The following GALK2 variants were observed in gnomAD, a reference collection of about 807,000 sequenced individuals.
GALK2 encodes N-acetylgalactosamine kinase.
A neutral mutation model predicts 52.4 loss-of-function variants in GALK2; 36 were observed. The observed-to-expected ratio is 0.69, with a 90% CI of 0.53 to 0.91. The LOEUF is 0.91. GALK2 is among the 40% of genes least tolerant of loss of function. The pLI is 0.00. For synonymous variants in GALK2, 176 were observed against 199.1 expected, an observed-to-expected ratio of 0.88 and a Z score of 0.98; for missense variants, 579 against 559.1, an observed-to-expected ratio of 1.04 and a Z score of -0.36.
intron 1 of GALK2, among the ~76,000 whole-genome samples, chr15:49,189,806 T>C (rs1394627516): frequency 6.6e-6 from 1 of 152,188 alleles, no homozygotes; most frequent in Non-Finnish European, 1.5e-5. Context: ...TGAGATTTTA[T>C]TATGCTACTC....
At chr15:49,302,020 G>C (rs1020351524) in intron 8 of GALK2, among the ~76,000 whole-genome samples, 1 of 152,184 alleles carries the variant, frequency 6.6e-6, no homozygotes. Flanking sequence ...CAACCCTGGG[G>C]CACAGGGTTA....
In GALK2 at chr15:49,234,245, G is replaced by T. The variant is rs1038639660; in HGVS notation, c.267-1606G>T. Among the ~76,000 whole-genome samples the T allele has an allele frequency of 1.4e-4, 21 of 151,514 alleles. 1 individual carries two copies. Among genetic ancestry groups the T allele is most frequent in the Admixed American group, 9.2e-4 (14 of 15,236 alleles). ...TTTTTCATTTTGAAGTATTTTTTTT[G>T]ACTTTCAAAGAAGACACAAGAATAG... On this transcript the variant is annotated intron_variant, in intron 3 of 9. Transcript: ENST00000560031.
intron 9 of GALK2, among the ~76,000 whole-genome samples, chr15:49,322,905 C>G (rs2037008484): frequency 6.8e-6 from 1 of 148,026 alleles, no homozygotes; most frequent in Non-Finnish European, 1.5e-5. Context: ...TGCAGTGAGC[C>G]GAGATCGCAA....
At chr15:49,360,240 GAA>G (rs34095368) in intron 3 of GALK2, among the ~76,000 whole-genome samples, 2,763 of 147,458 alleles carry the variant, frequency 0.019, 100 homozygotes, top group African/African-American at 0.063. Context: ...ATAGTATAAG[GAA>G]AAAAAAAAAA....
chr15:49,335,375 A>G (rs750605932), downstream of GALK2: 1 of 1,310,128 alleles, frequency 7.6e-7, no homozygotes, highest in Non-Finnish European at 1.1e-6. Context: ...CCAGTTCTAA[A>G]AAAGTATTAT....
chr15:49,283,814 G>C, intron 7 of GALK2, 96 bp downstream of exon 7: 1 of 1,285,998 alleles, frequency 7.8e-7, no homozygotes, highest in Non-Finnish European at 1.1e-6. Flanking sequence ...CCAAATTTTA[G>C]GGCAACATTC....
At chr15:49,361,211 A>C (rs879755043) in intron 3 of GALK2, among the ~76,000 whole-genome samples, 4 of 152,204 alleles carry the variant, frequency 2.6e-5, no homozygotes, top group Non-Finnish European at 5.9e-5. Context: ...AATTAATTTA[A>C]AAAACTTAAA....
At chr15:49,367,050 A>G (rs563450258) in intron 3 of GALK2, among the ~76,000 whole-genome samples, 1 of 152,310 alleles carries the variant, frequency 6.6e-6, no homozygotes, top group East Asian at 1.9e-4. Context: ...ATAAATTTTC[A>G]TTTGAACAAA....
intron 7 of GALK2, among the ~76,000 whole-genome samples, chr15:49,288,253 A>G (rs901643801): frequency 5.3e-5 from 8 of 152,192 alleles, no homozygotes; most frequent in Non-Finnish European, 1.0e-4. Flanking sequence ...GATACCCATG[A>G]TAAGTATTAT....
At chr15:49,209,180 C>T (rs1441749493) in intron 2 of GALK2, among the ~76,000 whole-genome samples, 3 of 152,146 alleles carry the variant, frequency 2.0e-5, no homozygotes, top group African/African-American at 4.8e-5. Context: ...ATTTTTAATA[C>T]TGATTTTGTA....
rs2087753363 is a variant in GALK2 at position 49,201,317 on chromosome 15, T to C, written c.142+67T>C. 26 of 822,230 alleles carry C rather than the reference T, an allele frequency of 3.2e-5. No homozygotes were observed. In the South Asian group the frequency reaches 4.2e-4, roughly 13 times the overall value. The allele number at this position is 822,230 out of a possible 1,614,324, so 50.9% of individuals were successfully genotyped here. On this transcript the variant is annotated intron_variant, in intron 2 of 9. Transcript: ENST00000560031. ...TTGATAAGATCTAAATTTTTAAAAATATATTTCTTTCTTAATTTTTCCCAA... is the reference window on the plus strand; with the variant it reads ...TTGATAAGATCTAAATTTTTAAAAACATATTTCTTTCTTAATTTTTCCCAA...
chr15:49,298,936 A>C (rs1439623699), intron 8 of GALK2, among the ~76,000 whole-genome samples: 1 of 152,130 alleles, frequency 6.6e-6, no homozygotes, highest in East Asian at 1.9e-4. Context: ...TGAGTTAGGC[A>C]GGTGTCCCTC....
At chr15:49,268,528 G>A (rs951345483) in intron 5 of GALK2, among the ~76,000 whole-genome samples, 3 of 152,222 alleles carry the variant, frequency 2.0e-5, no homozygotes, top group Non-Finnish European at 4.4e-5. Context: ...AAGAGAGAAA[G>A]TGAGCAGAGC....
chr15:49,175,495 C>G (rs1224570122), intron 1 of GALK2, among the ~76,000 whole-genome samples: 1 of 152,172 alleles, frequency 6.6e-6, no homozygotes, highest in Non-Finnish European at 1.5e-5. Flanking sequence ...GGGACATCTA[C>G]TTAAGTTTCT....
intron 5 of GALK2, among the ~76,000 whole-genome samples, chr15:49,249,760 A>C (rs1438487650): frequency 6.6e-6 from 1 of 152,198 alleles, no homozygotes; most frequent in Non-Finnish European, 1.5e-5. Context: ...CTAATAAAGA[A>C]ATCAATGTAC....
chr15:49,307,977 G>A (rs146728314), intron 8 of GALK2, among the ~76,000 whole-genome samples: 121 of 152,296 alleles, frequency 7.9e-4, no homozygotes, highest in Middle Eastern at 6.8e-3. Flanking sequence ...GGATACTAAT[G>A]TGGCTGAAAA....
chr15:49,207,775 C>A (rs964079493), intron 2 of GALK2, among the ~76,000 whole-genome samples: 5 of 151,882 alleles, frequency 3.3e-5, no homozygotes, highest in African/African-American at 1.2e-4. Context: ...AATGGTCTAT[C>A]AATTTTCTTT....
intron 1 of GALK2, among the ~76,000 whole-genome samples, chr15:49,190,678 CTAACT>C (rs969760099): frequency 1.3e-5 from 2 of 152,144 alleles, no homozygotes; most frequent in African/African-American, 4.8e-5. Flanking sequence ...GACTGAAAAC[CTAACT>C]TAAGAGGATG....
At chr15:49,263,895 G>A (rs1375724806) in intron 5 of GALK2, among the ~76,000 whole-genome samples, 1 of 151,282 alleles carries the variant, frequency 6.6e-6, no homozygotes, top group South Asian at 2.1e-4. Context: ...TTGAATATTG[G>A]CCCCCACTCT....
Sources: allele counts gnomAD v4.1 joint callset (sites outside exome capture counted in the v4.1 genomes callset), GRCh38; gene constraint gnomAD v4.1.1; transcripts MANE v1.5; gene names NCBI Gene and HGNC (gene_info 2026-07-23, HGNC 2026-07-21).